Variants in ZNF883 observed in about 807,000 individuals in gnomAD.
ZNF883 encodes the protein zinc finger protein 883.
chr9:112,993,700 AGAGCTCAGTCTCAGAGAGAT>A (rs1409727410), downstream of ZNF883, among the ~76,000 whole-genome samples: 2 of 152,200 alleles, frequency 1.3e-5, no homozygotes, highest in Non-Finnish European at 2.9e-5. Context: ...CCTCCCCACA[AGAGCTCAGTCTCAGAGAGAT>A]CAGAGTTCTG....
intron 1 of ZNF883, among the ~76,000 whole-genome samples, chr9:112,988,313 A>G (rs1310063307): frequency 6.6e-6 from 1 of 151,336 alleles, no homozygotes; most frequent in Non-Finnish European, 1.5e-5. Flanking sequence ...TGCACCCCCA[A>G]CAGGCCCCAG....
exon 1 of ZNF883, chr9:112,997,433 C>T (rs773829180): frequency 2.6e-5 from 42 of 1,613,862 alleles, no homozygotes; most frequent in Admixed American, 1.8e-4. Context: ...GTGTGTACTT[C>T]GACTGAAGGT....
At chr9:113,011,639 A>G (rs1399837704) in intron 1 of ZNF883, among the ~76,000 whole-genome samples, 1 of 152,196 alleles carries the variant, frequency 6.6e-6, no homozygotes, top group Non-Finnish European at 1.5e-5. Context: ...CAGTAAAACG[A>G]AACAAGCTAT....
chr9:113,007,650 A>G (rs1037600800), intron 2 of ZNF883, among the ~76,000 whole-genome samples: 9 of 152,216 alleles, frequency 5.9e-5, no homozygotes, highest in African/African-American at 1.9e-4. Flanking sequence ...GACAGAAAAT[A>G]AAAACGAGTG....
At chr9:112,998,076 T>A (rs1180197722) in exon 1 of ZNF883, 1 of 1,613,922 alleles carries the variant, frequency 6.2e-7, no homozygotes, top group African/African-American at 1.3e-5. Flanking sequence ...CCAGTATGTA[T>A]TCTTTGATGT....
downstream of ZNF883, among the ~76,000 whole-genome samples, chr9:112,993,459 A>G (rs1159165376): frequency 2.0e-5 from 3 of 152,154 alleles, no homozygotes; most frequent in Admixed American, 2.0e-4. Context: ...GCACCAAACT[A>G]AGGCCAGCAG....
chr9:112,990,652 C>T (rs1345648345), intron 1 of ZNF883, among the ~76,000 whole-genome samples: 1 of 152,182 alleles, frequency 6.6e-6, no homozygotes, highest in Non-Finnish European at 1.5e-5. Context: ...AGGAGTCCCT[C>T]CTTTTCAATT....
chr9:112,988,310 C>T (rs749618946), intron 1 of ZNF883, among the ~76,000 whole-genome samples: 1 of 151,514 alleles, frequency 6.6e-6, no homozygotes, highest in Non-Finnish European at 1.5e-5. Context: ...TGCTGCACCC[C>T]CAACAGGCCC....
chr9:112,989,143 T>G (rs556506174), intron 1 of ZNF883, among the ~76,000 whole-genome samples: 1 of 152,332 alleles, frequency 6.6e-6, no homozygotes, highest in East Asian at 1.9e-4. Context: ...TTAGATCCCA[T>G]TTGTCAATTT....
chr9:112,992,198 A>T (rs559076338), downstream of ZNF883, among the ~76,000 whole-genome samples: 2 of 152,314 alleles, frequency 1.3e-5, no homozygotes, highest in South Asian at 4.1e-4. Context: ...ATACTTCAGC[A>T]TGTTTTAGGA....
At chr9:112,991,680 T>C (rs1409345179) in intron 1 of ZNF883, among the ~76,000 whole-genome samples, 2 of 152,204 alleles carry the variant, frequency 1.3e-5, no homozygotes, top group East Asian at 1.9e-4. Flanking sequence ...GAAAGCGGCA[T>C]GTTAAAGTCT....
intron 1 of ZNF883, among the ~76,000 whole-genome samples, chr9:112,992,010 C>T (rs976394097): frequency 6.6e-6 from 1 of 152,208 alleles, no homozygotes; most frequent in Non-Finnish European, 1.5e-5. Context: ...ATACAACACA[C>T]TGATAGGTCT....
At chr9:113,008,719 G>C (rs868620652) in intron 2 of ZNF883, among the ~76,000 whole-genome samples, 4 of 152,038 alleles carry the variant, frequency 2.6e-5, no homozygotes, top group African/African-American at 4.8e-5. Context: ...CCCAGGCACT[G>C]TCCCGGGTAA....
chr9:113,008,116 T>C (rs1345938873), intron 2 of ZNF883, among the ~76,000 whole-genome samples: 1 of 152,236 alleles, frequency 6.6e-6, no homozygotes, highest in East Asian at 1.9e-4. Context: ...ATCATAAGAA[T>C]GTATTAGTTT....
chr9:113,012,075 G>A (rs1587899346), intron 1 of ZNF883, 75 bp downstream of exon 1: 1 of 152,346 alleles, frequency 6.6e-6, no homozygotes, highest in East Asian at 1.9e-4. Context: ...CGACCCGCCC[G>A]AATGGTTGTG....
chr9:113,004,056 C>T (rs1194680261), intron 2 of ZNF883, among the ~76,000 whole-genome samples: 1 of 152,154 alleles, frequency 6.6e-6, no homozygotes, highest in Non-Finnish European at 1.5e-5. Context: ...TCCAGTATGG[C>T]TGGTGCCCTT....
chr9:112,989,869 C>G (rs137969819), intron 1 of ZNF883, among the ~76,000 whole-genome samples: 1 of 152,166 alleles, frequency 6.6e-6, no homozygotes, highest in East Asian at 1.9e-4. Flanking sequence ...GTATTTTATT[C>G]TCTTTGTAGC....
chr9:113,001,952 T>C (rs753356400), upstream of ZNF883: 7 of 152,202 alleles, frequency 4.6e-5, no homozygotes, highest in Non-Finnish European at 8.8e-5. Context: ...CTTGTAAATC[T>C]CATGATCCTA....
At chr9:112,999,036 A>G (rs1185031317), upstream of ZNF883, 2 of 152,186 alleles carry the variant, frequency 1.3e-5, no homozygotes, top group Non-Finnish European at 2.9e-5. Context: ...CTAACATCAT[A>G]TGATGACATT....
Sources: allele counts gnomAD v4.1 joint callset (sites outside exome capture counted in the v4.1 genomes callset), GRCh38; gene constraint gnomAD v4.1.1; transcripts MANE v1.5; gene names NCBI Gene and HGNC (gene_info 2026-07-23, HGNC 2026-07-21).